Variants in AUTS2 observed in about 807,000 individuals in gnomAD.
AUTS2 encodes autism susceptibility gene 2 protein.
Under a neutral mutation model 112.4 loss-of-function variants are expected in AUTS2, and 17 were observed. The ratio of observed to expected loss-of-function variants is 0.15; its 90% CI spans 0.10 to 0.23. The LOEUF is 0.23. AUTS2 is among the 10% of genes least tolerant of loss of function. The pLI, the probability that AUTS2 is intolerant of heterozygous loss-of-function variation, is 1.00. For missense variants in AUTS2, 1,510 were observed against 1,701.6 expected, an observed-to-expected ratio of 0.89 and a Z score of 1.98; for synonymous variants, 751 against 702.7, an observed-to-expected ratio of 1.07 and a Z score of -1.09.
chr7:70,466,568 T>C (rs1797173311), intron 5 of AUTS2, among the ~76,000 whole-genome samples: 1 of 152,258 alleles, frequency 6.6e-6, no homozygotes, highest in Non-Finnish European at 1.5e-5. Context: ...GTGTCCACTT[T>C]CCTGCGATGG....
At chr7:69,636,676 A>G (rs927123517) in intron 1 of AUTS2, among the ~76,000 whole-genome samples, 3 of 152,198 alleles carry the variant, frequency 2.0e-5, no homozygotes, top group Non-Finnish European at 4.4e-5. Context: ...TTTTTACAAA[A>G]TGGGAACACA....
chr7:70,549,001 A>T (rs1438471165), intron 5 of AUTS2, among the ~76,000 whole-genome samples: 3 of 151,364 alleles, frequency 2.0e-5, no homozygotes, highest in Non-Finnish European at 4.4e-5. Flanking sequence ...ATTTGGGCAG[A>T]ATTGCCTTTT....
chr7:69,754,073 G>A (rs573467567), intron 1 of AUTS2, among the ~76,000 whole-genome samples: 2 of 152,282 alleles, frequency 1.3e-5, no homozygotes, highest in South Asian at 2.1e-4. Context: ...GCTGCCTACT[G>A]TGTGGTTTTG....
At chr7:69,889,064 C>T (rs1236639218) in intron 1 of AUTS2, among the ~76,000 whole-genome samples, 1 of 152,152 alleles carries the variant, frequency 6.6e-6, no homozygotes, top group African/African-American at 2.4e-5. Flanking sequence ...CAAGTTCATT[C>T]TCCTTTAAGT....
At chr7:70,354,219 G>C (rs1195649741) in intron 4 of AUTS2, among the ~76,000 whole-genome samples, 1 of 152,132 alleles carries the variant, frequency 6.6e-6, no homozygotes, top group Non-Finnish European at 1.5e-5. Flanking sequence ...TTACTGACAG[G>C]GCCAAGTCTT....
chr7:70,630,259 C>A (rs1442081216), intron 5 of AUTS2, among the ~76,000 whole-genome samples: 1 of 151,860 alleles, frequency 6.6e-6, no homozygotes, highest in Non-Finnish European at 1.5e-5. Context: ...GCCCGGTCAT[C>A]AATATGCTGA....
intron 6 of AUTS2, among the ~76,000 whole-genome samples, chr7:70,707,640 A>G (rs1809810109): frequency 6.6e-6 from 1 of 152,066 alleles, no homozygotes; most frequent in Admixed American, 6.6e-5. Flanking sequence ...CTTCTCATAA[A>G]ACATAAGGTC....
At chr7:69,719,711 C>T (rs1052687151) in intron 1 of AUTS2, among the ~76,000 whole-genome samples, 3 of 152,168 alleles carry the variant, frequency 2.0e-5, no homozygotes, top group African/African-American at 4.8e-5. Context: ...AAATGTTTTG[C>T]TTAAAGTATT....
At chr7:70,089,148 CTATT>C (rs1293917309) in intron 2 of AUTS2, among the ~76,000 whole-genome samples, 4 of 152,118 alleles carry the variant, frequency 2.6e-5, no homozygotes, top group South Asian at 2.1e-4. Flanking sequence ...TCTCGATTGT[CTATT>C]TATTTGTTCT....
intron 2 of AUTS2, among the ~76,000 whole-genome samples, chr7:70,019,020 A>G (rs1800155570): frequency 1.3e-5 from 2 of 152,222 alleles, no homozygotes; most frequent in Non-Finnish European, 1.5e-5. Flanking sequence ...CTAAATGCCC[A>G]TCAATGGTAG....
intron 4 of AUTS2, among the ~76,000 whole-genome samples, chr7:70,403,017 A>G (rs2130218056): frequency 6.6e-6 from 1 of 152,330 alleles, no homozygotes; most frequent in Admixed American, 6.5e-5. Flanking sequence ...GGTGCAGTTG[A>G]AATAATACTG....
chr7:69,728,913 C>T (rs917425557), intron 1 of AUTS2, among the ~76,000 whole-genome samples: 8 of 151,968 alleles, frequency 5.3e-5, no homozygotes, highest in Admixed American at 2.0e-4. Context: ...AAAATTCAAA[C>T]GAACATTGGA....
At chr7:69,764,887 G>A (rs1788353024) in intron 1 of AUTS2, among the ~76,000 whole-genome samples, 1 of 152,204 alleles carries the variant, frequency 6.6e-6, no homozygotes, top group African/African-American at 2.4e-5. Context: ...CCTAAGGCCT[G>A]TGGAACCAGG....
intron 5 of AUTS2, among the ~76,000 whole-genome samples, chr7:70,676,541 C>T (rs1357750653): frequency 1.3e-5 from 2 of 152,146 alleles, no homozygotes; most frequent in Non-Finnish European, 2.9e-5. Context: ...TTCCTGCTCT[C>T]TGTTGCTAAT....
chr7:70,787,957 A>G (rs1791622476), intron 18 of AUTS2, among the ~76,000 whole-genome samples: 1 of 152,226 alleles, frequency 6.6e-6, no homozygotes, highest in African/African-American at 2.4e-5. Context: ...ACATAGATGT[A>G]GAGAAACGTC....
intron 2 of AUTS2, among the ~76,000 whole-genome samples, chr7:70,102,396 G>T (rs1233375379): frequency 6.6e-6 from 1 of 151,836 alleles, no homozygotes; most frequent in Non-Finnish European, 1.5e-5. Context: ...GGGATTACAG[G>T]TGTGAGCCAC....
chr7:70,721,317 C>T (rs1202333125), intron 6 of AUTS2, among the ~76,000 whole-genome samples: 3 of 70,424 alleles, frequency 4.3e-5, no homozygotes, highest in South Asian at 4.1e-4. Context: ...TGTGTGTTTC[C>T]GATGGAGTCT....
At chr7:70,452,375 C>T (rs941533286) in intron 5 of AUTS2, among the ~76,000 whole-genome samples, 7 of 152,194 alleles carry the variant, frequency 4.6e-5, no homozygotes, top group Middle Eastern at 3.4e-3. Flanking sequence ...AGGAGGATTG[C>T]GTGAGCCCGG....
intron 6 of AUTS2, among the ~76,000 whole-genome samples, chr7:70,750,910 A>G (rs1788791027): frequency 6.6e-6 from 1 of 152,066 alleles, no homozygotes; most frequent in Non-Finnish European, 1.5e-5. Context: ...ATCTTTGGTA[A>G]AGTCATAAGT....
Sources: gnomAD v4.1 joint callset for allele counts (sites outside exome capture counted in the v4.1 genomes callset) on GRCh38, gnomAD v4.1.1 for gene constraint, MANE v1.5 for transcripts, NCBI Gene and HGNC (gene_info 2026-07-23, HGNC 2026-07-21) for gene names.